The following PTK2 variants were observed in gnomAD, a reference collection of about 807,000 sequenced individuals.
The protein encoded by PTK2 is focal adhesion kinase 1.
Under a neutral mutation model 150.1 loss-of-function variants are expected in PTK2, and 45 were observed. The observed-to-expected ratio is 0.30, with a 90% confidence interval of 0.24 to 0.38. The LOEUF is 0.38. Ranked by LOEUF, PTK2 falls within the 10% of genes least tolerant of loss-of-function variation. PTK2 has a pLI of 1.00. For synonymous variants in PTK2, 432 were observed against 449.2 expected, an observed-to-expected ratio of 0.96 and a Z score of 0.48; for missense variants, 919 against 1,307.3, an observed-to-expected ratio of 0.70 and a Z score of 4.58.
At chr8:140,732,793 G>A (rs943659599) in intron 22 of PTK2, 30 of 249,046 alleles carry the variant, frequency 1.2e-4, no homozygotes, top group Non-Finnish European at 2.0e-4. Context: ...GAAGAACAAA[G>A]AGCTTTGGAG....
At chr8:140,950,178 C>T (rs1274423249) in intron 1 of PTK2, among the ~76,000 whole-genome samples, 1 of 152,126 alleles carries the variant, frequency 6.6e-6, no homozygotes, top group Non-Finnish European at 1.5e-5. Flanking sequence ...GATAAGAACT[C>T]GAGACCTGCC....
chr8:140,818,629 TAAC>T (rs1186341978), intron 9 of PTK2, among the ~76,000 whole-genome samples: 77 of 152,328 alleles, frequency 5.1e-4, no homozygotes, highest in African/African-American at 1.8e-3. Flanking sequence ...AGAGAACAAT[TAAC>T]AAATCACAGG....
chr8:140,732,394 A>G (rs2100049967), intron 22 of PTK2, among the ~76,000 whole-genome samples: 2 of 152,222 alleles, frequency 1.3e-5, no homozygotes, highest in Admixed American at 1.3e-4. Flanking sequence ...AAGTAATTAT[A>G]TGTAGTTCTA....
At chr8:140,875,365 C>T (rs985217803) in intron 4 of PTK2, among the ~76,000 whole-genome samples, 4 of 152,130 alleles carry the variant, frequency 2.6e-5, no homozygotes, top group Admixed American at 2.6e-4. Flanking sequence ...AGAGAAGAAA[C>T]CATCACATCA....
intron 14 of PTK2, among the ~76,000 whole-genome samples, chr8:140,785,339 A>G (rs1331404736): frequency 1.3e-5 from 2 of 152,236 alleles, no homozygotes; most frequent in African/African-American, 2.4e-5. Flanking sequence ...TATATCCCAG[A>G]CAATAAAGAG....
intron 2 of PTK2, among the ~76,000 whole-genome samples, chr8:140,900,860 C>T (rs1202837598): frequency 6.6e-6 from 1 of 151,606 alleles, no homozygotes; most frequent in African/African-American, 2.4e-5. Flanking sequence ...CAATGGAATC[C>T]CTATCAAAAT....
chr8:140,800,611 T>C, intron 11 of PTK2, 35 bp from the exon 12 acceptor site: 1 of 1,534,494 alleles, frequency 6.5e-7, no homozygotes, highest in Non-Finnish European at 9.0e-7. Flanking sequence ...CAGACTTCAT[T>C]GTTCTTCCCA....
intron 3 of PTK2, among the ~76,000 whole-genome samples, chr8:140,883,876 T>C (rs575715351): frequency 6.6e-6 from 1 of 152,230 alleles, no homozygotes; most frequent in East Asian, 1.9e-4. Flanking sequence ...AGATCACAAG[T>C]ATGAAATGGG....
chr8:140,669,716 G>A lies in PTK2; in HGVS notation c.2710-1292C>T. ...GAGCTGGACAGACACACAAAGACAC[G>A]ATGTGCTTACCCTCCATGGCTATTG... On this transcript the variant is annotated intron_variant, in intron 29 of 31. Coordinates refer to ENST00000522684, the Ensembl canonical transcript of PTK2. 6 of 1,533,652 alleles carry A rather than the reference G, an allele frequency of 3.9e-6. No individual in the cohort carries two copies. The highest frequency in any genetic ancestry group is 1.4e-5 in the African/African-American group (1 of 73,048).
At chr8:140,892,870 G>A (rs1053939810) in intron 2 of PTK2, among the ~76,000 whole-genome samples, 2 of 152,160 alleles carry the variant, frequency 1.3e-5, no homozygotes, top group African/African-American at 4.8e-5. Flanking sequence ...AGGATGTGAA[G>A]AAACTGAAAC....
chr8:140,872,107 C>G (rs2083373119), intron 4 of PTK2, among the ~76,000 whole-genome samples: 1 of 152,116 alleles, frequency 6.6e-6, no homozygotes, highest in Non-Finnish European at 1.5e-5. Flanking sequence ...CTCAGTGACA[C>G]TATCTCAGCT....
chr8:140,701,765 T>A (rs1045017713), intron 25 of PTK2, among the ~76,000 whole-genome samples: 2 of 152,120 alleles, frequency 1.3e-5, no homozygotes, highest in African/African-American at 4.8e-5. Flanking sequence ...TGGGTTCTTT[T>A]AGTTAAAAAA....
At chr8:140,841,405 G>A (rs564437554) in intron 7 of PTK2, among the ~76,000 whole-genome samples, 50 of 152,196 alleles carry the variant, frequency 3.3e-4, no homozygotes, top group Non-Finnish European at 6.3e-4. Flanking sequence ...CGCTATCTGA[G>A]CATAATGTCA....
Position 140,996,403 on chromosome 8 carries a change from T to G in PTK2, c.-122+4722A>C, listed in dbSNP as rs1020461162. Among the ~76,000 whole-genome samples the G allele has an allele frequency of 3.3e-5, 5 of 152,246 alleles. No homozygotes were observed. In the East Asian group the frequency reaches 9.6e-4, roughly 29 times the overall value. The stretch of plus-strand genomic sequence containing the variant: ...GAGAAGATCTAGCTAAGATCACTGA[T>G]GAAGGTGGCTACACTAAACACATTT... On this transcript the variant is annotated intron_variant, in intron 1 of 31. Coordinates refer to ENST00000522684, the Ensembl canonical transcript of PTK2.
rs1033127914 is a variant in PTK2 at position 140,800,688 on chromosome 8, G to C, written c.976-112C>G. Reference sequence around the variant, plus strand: ...TACACTTGAAAACAGAGAAGAGTGGGAATGAAACAAGATTTGTCATGAGAT... The same window carrying C: ...TACACTTGAAAACAGAGAAGAGTGGCAATGAAACAAGATTTGTCATGAGAT... On this transcript the variant is annotated intron_variant, in intron 11 of 31. Transcript: ENST00000522684. The C allele has an allele frequency of 1.1e-5, 8 of 751,690 alleles. No homozygotes were observed. In the Admixed American group the frequency reaches 1.6e-4, roughly 15 times the overall value. The allele number at this position is 751,690 out of a possible 1,614,324, so 46.6% of individuals were successfully genotyped here.
At chr8:140,941,243 A>G (rs1313242270) in intron 1 of PTK2, among the ~76,000 whole-genome samples, 1 of 152,178 alleles carries the variant, frequency 6.6e-6, no homozygotes, top group Non-Finnish European at 1.5e-5. Context: ...TGAGACAATA[A>G]AATATAAAAA....
intron 2 of PTK2, among the ~76,000 whole-genome samples, chr8:140,922,817 C>T (rs532354814): frequency 8.5e-5 from 13 of 152,262 alleles, no homozygotes; most frequent in African/African-American, 2.9e-4. Context: ...CAAGCCCACT[C>T]GGTCATCTAC....
chr8:140,929,279 T>TA (rs1462741326), intron 1 of PTK2, among the ~76,000 whole-genome samples: 2 of 152,280 alleles, frequency 1.3e-5, no homozygotes, highest in African/African-American at 4.8e-5. Flanking sequence ...TTTTTTAACT[T>TA]AAAAAATGTT....
rs1043883845 is a variant in PTK2 at position 140,885,245 on chromosome 8, G to C, written c.195+5298C>G. Among the ~76,000 whole-genome samples the C allele has an allele frequency of 3.9e-5, 6 of 152,250 alleles. No homozygotes were observed. The South Asian group carries it at 1.2e-3, about 32-fold the overall frequency. ...CAAATCAATATCTTTGTGGTTATTT[G>C]TCAATTAAGGCTTTCTACTTCTGTG... is the stretch of plus-strand genomic sequence containing the variant. On this transcript the variant is annotated intron_variant, in intron 3 of 31. Coordinates refer to ENST00000522684, the Ensembl canonical transcript of PTK2.
Sources: allele counts gnomAD v4.1 joint callset (sites outside exome capture counted in the v4.1 genomes callset), GRCh38; gene constraint gnomAD v4.1.1; transcripts MANE v1.5; gene names NCBI Gene and HGNC (gene_info 2026-07-23, HGNC 2026-07-21).